The following UGT2A1 variants were observed in gnomAD, a reference collection of about 807,000 sequenced individuals.
UGT2A1 encodes UDP glucuronosyltransferase family 2 member A1 complex locus, also known as UDP-glucuronosyltransferase 2A1.
A neutral mutation model predicts 45.4 loss-of-function variants in UGT2A1; 61 were observed. That is an observed-to-expected ratio of 1.34 (90% CI 1.09 to 1.66). The LOEUF (loss-of-function observed/expected upper bound fraction) is 1.66. UGT2A1 is among the 40% of genes most tolerant of loss of function. The pLI is 0.00. For missense variants in UGT2A1, 649 were observed against 574.3 expected (o/e 1.13, Z -1.33); for synonymous variants, 229 against 196.2 (o/e 1.17, Z -1.40).
chr4:69,596,333 ACAC>A, intron 4 of UGT2A1: 1 of 1,606,586 alleles, frequency 6.2e-7, no homozygotes, highest in Non-Finnish European at 8.5e-7. Context: ...CCCAGAGAAA[ACAC>A]CACAACACCA....
intron 3 of UGT2A1, among the ~76,000 whole-genome samples, chr4:69,605,265 A>G (rs551843427): frequency 7.3e-6 from 1 of 137,112 alleles, no homozygotes; most frequent in East Asian, 2.0e-4. Flanking sequence ...GGATTAAGAA[A>G]TTCACTCAAA....
At chr4:69,605,640 T>G (rs983316404) in intron 3 of UGT2A1, among the ~76,000 whole-genome samples, 1 of 136,204 alleles carries the variant, frequency 7.3e-6, no homozygotes, top group African/African-American at 3.0e-5. Context: ...AGGAGCTGGT[T>G]TTTTGAAAAG....
intron 2 of UGT2A1, among the ~76,000 whole-genome samples, chr4:69,640,759 G>A (rs954691564): frequency 2.0e-5 from 3 of 151,918 alleles, no homozygotes; most frequent in Admixed American, 1.3e-4. Flanking sequence ...AGAGAGAGAA[G>A]TGATGGTTTT....
chr4:69,618,635 C>T (rs1228509720), intron 3 of UGT2A1, among the ~76,000 whole-genome samples: 2 of 151,858 alleles, frequency 1.3e-5, no homozygotes, highest in Non-Finnish European at 2.9e-5. Flanking sequence ...CTGAAACCCT[C>T]GATACAGTAA....
intron 4 of UGT2A1, chr4:69,596,408 C>G (rs780072803): frequency 3.9e-6 from 6 of 1,531,556 alleles, no homozygotes; most frequent in Non-Finnish European, 5.3e-6. Context: ...TTTTCTATTA[C>G]AAAGGTGTAG....
intron 3 of UGT2A1, among the ~76,000 whole-genome samples, chr4:69,630,472 C>T (rs1721321845): frequency 6.6e-6 from 1 of 152,092 alleles, no homozygotes; most frequent in Admixed American, 6.5e-5. Context: ...ATTCCCTCTC[C>T]TTTTAACCAC....
Position 69,649,620 on chromosome 4 carries a change from T to G in UGT2A1, c.-54-1922A>C, listed in dbSNP as rs543243341. Among the ~76,000 whole-genome samples the G allele has an allele frequency of 4.7e-4, 72 of 152,204 alleles. 1 individual carries two copies. Among genetic ancestry groups the G allele is most frequent in the African/African-American group, 1.5e-3 (64 of 41,560 alleles). The stretch of plus-strand genomic sequence containing the variant: ...AGGGCAGCCTGAAGCTGCACAACCT[T>G]CAAGCACAGATAAACAGGCAAGGTC... On this transcript the variant is annotated intron_variant, in intron 1 of 6. Coordinates refer to ENST00000286604, the MANE Select transcript of UGT2A1 (RefSeq NM_001252275.3).
intron 1 of UGT2A1, among the ~76,000 whole-genome samples, chr4:69,648,639 G>T (rs1485768159): frequency 6.6e-6 from 1 of 151,804 alleles, no homozygotes; most frequent in East Asian, 1.9e-4. Context: ...AGAAACCACT[G>T]CCCAAAGAGA....
chr4:69,618,377 C>G (rs1234887922), intron 3 of UGT2A1, among the ~76,000 whole-genome samples: 16 of 151,672 alleles, frequency 1.1e-4, no homozygotes, highest in Non-Finnish European at 2.9e-5. Flanking sequence ...TTGGGAGATT[C>G]CACTACAGGT....
In UGT2A1 at chr4:69,600,566, T is replaced by C. The variant is rs141320806; in HGVS notation, c.848-1172A>G. Among the ~76,000 whole-genome samples the C allele has an allele frequency of 4.6e-5, 7 of 152,248 alleles. No individual in the cohort carries two copies. In the East Asian group the frequency reaches 1.3e-3, roughly 29 times the overall value. ...CTGAAAGCCACAGTTTCCATCTCAG[T>C]GGGTGTGTTAGGCCTTTCTCTTATT... is the stretch of plus-strand genomic sequence containing the variant. On this transcript the variant is annotated intron_variant, in intron 3 of 6. Transcript: ENST00000286604.
intron 3 of UGT2A1, among the ~76,000 whole-genome samples, chr4:69,607,218 G>GC (rs1553904403): frequency 2.0e-5 from 3 of 150,124 alleles, no homozygotes; most frequent in Non-Finnish European, 3.0e-5. Flanking sequence ...TACCAAAACA[G>GC]AGATAAAGAC....
chr4:69,636,879 A>G (rs1721739520), intron 2 of UGT2A1, among the ~76,000 whole-genome samples: 1 of 152,192 alleles, frequency 6.6e-6, no homozygotes, highest in South Asian at 2.1e-4. Flanking sequence ...CTGTGACTCT[A>G]AAGTTTCAGT....
At chr4:69,590,705 TTC>T (rs1385044277) in intron 6 of UGT2A1, among the ~76,000 whole-genome samples, 1 of 152,002 alleles carries the variant, frequency 6.6e-6, no homozygotes, top group Non-Finnish European at 1.5e-5. Flanking sequence ...AGTAAGTAAT[TTC>T]ACATGGATCA....
intron 1 of UGT2A1, among the ~76,000 whole-genome samples, chr4:69,652,661 T>C (rs1339075624): frequency 1.3e-5 from 2 of 152,140 alleles, no homozygotes; most frequent in Non-Finnish European, 2.9e-5. Flanking sequence ...TTAAAGTAAA[T>C]AGATTTTAAA....
intron 3 of UGT2A1, among the ~76,000 whole-genome samples, chr4:69,611,494 T>C (rs1720047032): frequency 6.6e-6 from 1 of 152,054 alleles, no homozygotes; most frequent in Non-Finnish European, 1.5e-5. Flanking sequence ...AGGTTCATAA[T>C]ATATTATGAA....
At chr4:69,630,598 T>C (rs1010152760) in intron 3 of UGT2A1, among the ~76,000 whole-genome samples, 3 of 152,152 alleles carry the variant, frequency 2.0e-5, no homozygotes, top group Non-Finnish European at 4.4e-5. Flanking sequence ...CAGGGAATTA[T>C]AAAATAGGCC....
At chr4:69,649,869 G>A (rs1414406941) in intron 1 of UGT2A1, among the ~76,000 whole-genome samples, 1 of 152,102 alleles carries the variant, frequency 6.6e-6, no homozygotes, top group Non-Finnish European at 1.5e-5. Flanking sequence ...CCTGACACAT[G>A]CGCAGTAAGG....
chr4:69,634,565 T>G (rs1577995985), intron 3 of UGT2A1, among the ~76,000 whole-genome samples: 1 of 152,156 alleles, frequency 6.6e-6, no homozygotes, highest in East Asian at 1.9e-4. Flanking sequence ...GGCTGTTTTT[T>G]TCTTAAGTTA....
intron 3 of UGT2A1, among the ~76,000 whole-genome samples, chr4:69,613,507 CACA>C (rs150151571): frequency 0.18 from 27,528 of 151,676 alleles, 2,814 homozygotes; most frequent in Non-Finnish European, 0.24. Flanking sequence ...AAACCAAAGA[CACA>C]ACAACAGTAA....
Sources: gnomAD v4.1 joint callset for allele counts (sites outside exome capture counted in the v4.1 genomes callset) on GRCh38, gnomAD v4.1.1 for gene constraint, MANE v1.5 for transcripts, NCBI Gene and HGNC (gene_info 2026-07-23, HGNC 2026-07-21) for gene names.